Variants in PUM1 observed in about 807,000 individuals in gnomAD.
The protein encoded by PUM1 is pumilio RNA binding family member 1, also known as pumilio homolog 1.
PUM1 carries 13 observed loss-of-function variants against 131.8 expected under a neutral mutation model. That is an observed-to-expected ratio of 0.10 (90% CI 0.06 to 0.16). The LOEUF (loss-of-function observed/expected upper bound fraction) is 0.16, where lower values mean the gene tolerates loss of function less well. Ranked by LOEUF, PUM1 falls within the 10% of genes least tolerant of loss-of-function variation. The probability of loss-of-function intolerance (pLI) is 1.00; values close to 1 mark genes in which losing one functional copy is unlikely to be tolerated. For synonymous variants in PUM1, 509 were observed against 556.5 expected, an observed-to-expected ratio of 0.91 and a Z score of 1.20; for missense variants, 961 against 1,512.4, an observed-to-expected ratio of 0.64 and a Z score of 6.05.
chr1:31,024,296 T>C (rs1304800263), intron 3 of PUM1, among the ~76,000 whole-genome samples: 1 of 152,182 alleles, frequency 6.6e-6, no homozygotes, highest in East Asian at 1.9e-4. Context: ...CCCAAATCAC[T>C]ATCCAATTCC....
chr1:31,048,364 G>A (rs888092187), intron 2 of PUM1, among the ~76,000 whole-genome samples: 1 of 151,598 alleles, frequency 6.6e-6, no homozygotes, highest in East Asian at 1.9e-4. Flanking sequence ...CTCCCTAACT[G>A]CTGTTTTTTC....
At chr1:30,947,565 A>C (rs1257025601) in intron 17 of PUM1, among the ~76,000 whole-genome samples, 1 of 152,174 alleles carries the variant, frequency 6.6e-6, no homozygotes, top group Non-Finnish European at 1.5e-5. Flanking sequence ...TCATTGCCCC[A>C]GGTCTTAGGT....
intron 2 of PUM1, among the ~76,000 whole-genome samples, chr1:31,030,492 C>A (rs1044059212): frequency 1.3e-5 from 2 of 152,004 alleles, no homozygotes. Flanking sequence ...AGTTCAAGAC[C>A]AGCCTGGGCA....
intron 2 of PUM1, among the ~76,000 whole-genome samples, chr1:31,047,988 A>C (rs556853984): frequency 6.6e-6 from 1 of 151,642 alleles, no homozygotes; most frequent in African/African-American, 2.4e-5. Context: ...CGCCTGTAAT[A>C]CCAGCACTTT....
At chr1:30,957,087 T>TACACACACACACACACACACACAC (rs58044891) in intron 14 of PUM1, among the ~76,000 whole-genome samples, 18 of 139,902 alleles carry the variant, frequency 1.3e-4, no homozygotes, top group African/African-American at 4.1e-4. Flanking sequence ...AGGACATTCA[T>TACACACACACACACACACACACAC]ACACACACAC....
intron 2 of PUM1, among the ~76,000 whole-genome samples, chr1:31,034,700 T>C (rs569950505): frequency 6.6e-6 from 1 of 152,342 alleles, no homozygotes; most frequent in African/African-American, 2.4e-5. Context: ...CCCTGAATTT[T>C]TGTTAACTAG....
chr1:30,953,540 C>T (rs917393836), intron 15 of PUM1, among the ~76,000 whole-genome samples, 174 bp downstream of exon 15: 9 of 152,148 alleles, frequency 5.9e-5, no homozygotes, highest in African/African-American at 1.9e-4. Context: ...GTATGTATGT[C>T]TTTGTGTTCA....
chr1:30,943,548 G>A (rs1317486150), intron 18 of PUM1, among the ~76,000 whole-genome samples: 9 of 152,064 alleles, frequency 5.9e-5, no homozygotes, highest in Non-Finnish European at 8.8e-5. Context: ...CACCGTGCCC[G>A]GCCATGTATA....
chr1:30,999,396 C>G (rs1164759124), intron 5 of PUM1, among the ~76,000 whole-genome samples: 2 of 151,998 alleles, frequency 1.3e-5, no homozygotes, highest in Non-Finnish European at 2.9e-5. Flanking sequence ...CACCTGAGGT[C>G]AGGAGTTCAA....
intron 6 of PUM1, among the ~76,000 whole-genome samples, chr1:30,993,251 T>A (rs1002866281): frequency 6.6e-6 from 1 of 151,334 alleles, no homozygotes; most frequent in Non-Finnish European, 1.5e-5. Flanking sequence ...ACTCATTATC[T>A]AGGATATGCC....
chr1:30,995,262 T>C, intron 5 of PUM1, 42 bp from the exon 6 acceptor site: 2 of 1,608,596 alleles, frequency 1.2e-6, no homozygotes, highest in East Asian at 2.2e-5. Context: ...CGTCATCAAC[T>C]AATAATAACG....
intron 7 of PUM1, among the ~76,000 whole-genome samples, 174 bp from the exon 8 acceptor site, chr1:30,981,579 C>G (rs146736572): frequency 0.017 from 2,559 of 152,224 alleles, 166 homozygotes; most frequent in Admixed American, 0.13. Flanking sequence ...TACTTCTGTT[C>G]TCCCTGTCTC....
At chr1:31,059,658 A>G in intron 1 of PUM1, 81 bp from the exon 2 acceptor site, 1 of 1,465,000 alleles carries the variant, frequency 6.8e-7, no homozygotes, top group African/African-American at 1.4e-5. Flanking sequence ...CATGAACCCC[A>G]TGTCTTTTAC....
chr1:30,962,440 T>C (rs1025936315), intron 14 of PUM1, among the ~76,000 whole-genome samples: 7 of 152,064 alleles, frequency 4.6e-5, no homozygotes, highest in African/African-American at 1.7e-4. Flanking sequence ...TGAGACAGGG[T>C]CTTACTCTGT....
intron 1 of PUM1, among the ~76,000 whole-genome samples, chr1:31,065,306 G>T (rs2124045424): frequency 6.6e-6 from 1 of 152,282 alleles, no homozygotes; most frequent in East Asian, 1.9e-4. Flanking sequence ...AATCTTCGGT[G>T]GTTCCCAACA....
At chr1:31,061,217 CG>C (rs1644360142) in intron 1 of PUM1, among the ~76,000 whole-genome samples, 1 of 152,078 alleles carries the variant, frequency 6.6e-6, no homozygotes, top group East Asian at 1.9e-4. Context: ...CCAGCACCTT[CG>C]GAGACTTAGG....
intron 5 of PUM1, among the ~76,000 whole-genome samples, chr1:31,004,650 T>C (rs1642336042): frequency 6.6e-6 from 1 of 152,160 alleles, no homozygotes. Flanking sequence ...AGCAATCAGG[T>C]CAGCTTTAGA....
chr1:30,962,593 GT>G (rs1232927852), intron 14 of PUM1, among the ~76,000 whole-genome samples: 2 of 151,952 alleles, frequency 1.3e-5, no homozygotes, highest in Non-Finnish European at 2.9e-5. Context: ...GTATTTTTTG[GT>G]AGAGGCGGGG....
intron 2 of PUM1, among the ~76,000 whole-genome samples, chr1:31,038,460 C>T (rs906689705): frequency 2.0e-5 from 3 of 152,134 alleles, no homozygotes; most frequent in Non-Finnish European, 4.4e-5. Flanking sequence ...AAGTAACACC[C>T]GCCAAGTACC....
Sources: gnomAD v4.1 joint callset for allele counts (sites outside exome capture counted in the v4.1 genomes callset) on GRCh38, gnomAD v4.1.1 for gene constraint, MANE v1.5 for transcripts, NCBI Gene and HGNC (gene_info 2026-07-23, HGNC 2026-07-21) for gene names.